GALNT1: variants seen among roughly 807,000 people sequenced by gnomAD.
GALNT1 encodes polypeptide N-acetylgalactosaminyltransferase 1, also known as GalNAc transferase 1.
In GALNT1, 17 loss-of-function variants were observed where a neutral mutation model predicts 65.7. The observed-to-expected ratio is 0.26, with a 90% CI of 0.18 to 0.39. The LOEUF is 0.39. Among genes scored for constraint, GALNT1 ranks in the 10% least tolerant of loss-of-function variants. The pLI, the probability that GALNT1 is intolerant of heterozygous loss-of-function variation, is 1.00. For missense variants in GALNT1, 460 were observed against 672.8 expected (o/e 0.68, Z 3.50); for synonymous variants, 210 against 219.7 (o/e 0.96, Z 0.39).
At chr18:35,705,764 T>G (rs1269634445) in intron 11 of GALNT1, among the ~76,000 whole-genome samples, 2 of 152,252 alleles carry the variant, frequency 1.3e-5, no homozygotes, top group Non-Finnish European at 2.9e-5. Context: ...CAAATAGGGA[T>G]TTATTTTTCT....
chr18:35,623,489 T>G (rs1401424407), intron 1 of GALNT1, among the ~76,000 whole-genome samples: 3 of 152,144 alleles, frequency 2.0e-5, no homozygotes, highest in Admixed American at 2.0e-4. Flanking sequence ...TTCAGGGGTT[T>G]TTTTCATGTT....
intron 1 of GALNT1, among the ~76,000 whole-genome samples, chr18:35,612,232 T>C (rs2144048232): frequency 6.6e-6 from 1 of 152,254 alleles, no homozygotes; most frequent in East Asian, 1.9e-4. Flanking sequence ...ATGATTCTTA[T>C]GAAAAGAGAA....
At chr18:35,657,167 C>T (rs2047402593) in intron 2 of GALNT1, among the ~76,000 whole-genome samples, 1 of 152,124 alleles carries the variant, frequency 6.6e-6, no homozygotes, top group Admixed American at 6.5e-5. Flanking sequence ...ACAATCTCGG[C>T]TCACTGCTGC....
intron 1 of GALNT1, among the ~76,000 whole-genome samples, chr18:35,600,717 C>G (rs1211208627): frequency 1.3e-5 from 2 of 151,956 alleles, no homozygotes; most frequent in Admixed American, 6.6e-5. Context: ...CATTAACATT[C>G]TATTAATGTG....
chr18:35,661,869 T>C (rs2047482185), intron 2 of GALNT1, among the ~76,000 whole-genome samples: 1 of 152,180 alleles, frequency 6.6e-6, no homozygotes, highest in South Asian at 2.1e-4. Context: ...ATTTTGATTT[T>C]TCTATAAAGC....
intron 1 of GALNT1, among the ~76,000 whole-genome samples, chr18:35,646,268 T>C (rs1270374911): frequency 6.6e-6 from 1 of 152,214 alleles, no homozygotes; most frequent in Non-Finnish European, 1.5e-5. Context: ...TCTGCCCCCA[T>C]GATCCTTTTA....
chr18:35,673,442 G>A (rs989452659), intron 3 of GALNT1, among the ~76,000 whole-genome samples: 1 of 152,146 alleles, frequency 6.6e-6, no homozygotes, highest in African/African-American at 2.4e-5. Flanking sequence ...CTTTATTTAA[G>A]CCTCAGTTTC....
intron 9 of GALNT1, among the ~76,000 whole-genome samples, chr18:35,696,193 A>G (rs2048054331): frequency 6.6e-6 from 1 of 152,162 alleles, no homozygotes; most frequent in African/African-American, 2.4e-5. Flanking sequence ...TCTAGATTGG[A>G]GGTCATTCTT....
At chr18:35,602,211 T>C (rs921056400) in intron 1 of GALNT1, among the ~76,000 whole-genome samples, 4 of 152,316 alleles carry the variant, frequency 2.6e-5, no homozygotes, top group East Asian at 3.9e-4. Flanking sequence ...TTGTGTAGTT[T>C]CCAGTGAAGT....
chr18:35,617,560 C>A (rs2046800520), intron 1 of GALNT1, among the ~76,000 whole-genome samples: 1 of 152,208 alleles, frequency 6.6e-6, no homozygotes, highest in African/African-American at 2.4e-5. Flanking sequence ...AACACATTTT[C>A]CCACTTGTGT....
chr18:35,686,376 A>G (rs1346787964), intron 5 of GALNT1, among the ~76,000 whole-genome samples: 1 of 152,214 alleles, frequency 6.6e-6, no homozygotes, highest in Non-Finnish European at 1.5e-5. Context: ...ACGGAACTGT[A>G]AAAAGAAAAA....
chr18:35,703,683 G>A lies in GALNT1; in HGVS notation c.1533+40G>A, dbSNP rs745504687. 2.1e-5 allele frequency: 34 copies of A among 1,596,894 alleles called. No individual in the cohort carries two copies. The African/African-American group carries it at 3.2e-4, about 15-fold the overall frequency. ...TGCCTATAGTAATAAAATTATGTGT[G>A]TCACTGGGTATATTTATATACTTTA... On this transcript the variant is annotated intron_variant, in intron 11 of 11. Coordinates refer to ENST00000269195, the MANE Select transcript of GALNT1 (RefSeq NM_020474.4).
At chr18:35,610,145 G>T (rs142125035) in intron 1 of GALNT1, among the ~76,000 whole-genome samples, 39 of 152,296 alleles carry the variant, frequency 2.6e-4, no homozygotes, top group Non-Finnish European at 4.9e-4. Flanking sequence ...AAAGCATGAC[G>T]TAATTGGGCA....
chr18:35,629,007 A>C (rs1478994341), intron 1 of GALNT1, among the ~76,000 whole-genome samples: 5 of 152,254 alleles, frequency 3.3e-5, no homozygotes, highest in Admixed American at 3.3e-4. Flanking sequence ...TGAGAAGAGA[A>C]GTTTGGAGAA....
At chr18:35,691,756 C>G (rs2047966899) in intron 8 of GALNT1, among the ~76,000 whole-genome samples, 1 of 152,142 alleles carries the variant, frequency 6.6e-6, no homozygotes. Flanking sequence ...ATAAGTCGGC[C>G]TGACATTGTT....
chr18:35,693,730 G>A (rs933349230), intron 9 of GALNT1, among the ~76,000 whole-genome samples: 1 of 152,298 alleles, frequency 6.6e-6, no homozygotes, highest in African/African-American at 2.4e-5. Flanking sequence ...ATATGAATAG[G>A]TCTTTACATT....
At chr18:35,604,272 G>A (rs1456812357) in intron 1 of GALNT1, among the ~76,000 whole-genome samples, 1 of 152,106 alleles carries the variant, frequency 6.6e-6, no homozygotes, top group Non-Finnish European at 1.5e-5. Context: ...TGGCTGCGTG[G>A]TACTCCATGG....
At chr18:35,588,992 T>C (rs1255578252) in intron 1 of GALNT1, among the ~76,000 whole-genome samples, 1 of 152,216 alleles carries the variant, frequency 6.6e-6, no homozygotes, top group Non-Finnish European at 1.5e-5. Flanking sequence ...GGTGTTTTTA[T>C]ATTATACTAT....
chr18:35,681,223 T>C (rs546731061), intron 4 of GALNT1, among the ~76,000 whole-genome samples: 1 of 152,256 alleles, frequency 6.6e-6, no homozygotes, highest in South Asian at 2.1e-4. Flanking sequence ...TATAAAGGTG[T>C]CCTAAGAAGA....
Sources: allele counts gnomAD v4.1 joint callset (sites outside exome capture counted in the v4.1 genomes callset), GRCh38; gene constraint gnomAD v4.1.1; transcripts MANE v1.5; gene names NCBI Gene and HGNC (gene_info 2026-07-23, HGNC 2026-07-21).